LRRC4C: variants seen among roughly 807,000 people sequenced by gnomAD.
LRRC4C encodes leucine rich repeat containing 4C, also known as leucine-rich repeat-containing protein 4C.
A neutral mutation model predicts 33.6 loss-of-function variants in LRRC4C; 5 were observed. The ratio of observed to expected loss-of-function variants is 0.15; its 90% CI spans 0.08 to 0.31. LRRC4C has a LOEUF of 0.31. Ranked by LOEUF, LRRC4C falls within the 10% of genes least tolerant of loss-of-function variation. The pLI, the probability that LRRC4C is intolerant of heterozygous loss-of-function variation, is 1.00. For missense variants in LRRC4C, 560 were observed against 796.7 expected (o/e 0.70, Z 3.58); for synonymous variants, 329 against 302.0 (o/e 1.09, Z -0.93).
intron 2 of LRRC4C, among the ~76,000 whole-genome samples, chr11:40,746,877 C>T (rs960729344): frequency 3.9e-5 from 6 of 152,168 alleles, no homozygotes; most frequent in African/African-American, 4.8e-5. Flanking sequence ...ACCACAGTTA[C>T]GACCAATGTT....
At chr11:40,911,141 G>C (rs1391396369) in intron 2 of LRRC4C, among the ~76,000 whole-genome samples, 7 of 152,316 alleles carry the variant, frequency 4.6e-5, no homozygotes, top group Admixed American at 1.3e-4. Flanking sequence ...CCAAACAAAA[G>C]GCAGCAGAAA....
chr11:41,231,652 T>A (rs1220644424), intron 1 of LRRC4C, among the ~76,000 whole-genome samples: 1 of 150,148 alleles, frequency 6.7e-6, no homozygotes, highest in Non-Finnish European at 1.5e-5. Context: ...CATTAGGAGA[T>A]ATACCTAATG....
chr11:40,814,412 CA>C (rs751955095), intron 2 of LRRC4C, among the ~76,000 whole-genome samples: 1 of 152,094 alleles, frequency 6.6e-6, no homozygotes, highest in African/African-American at 2.4e-5. Context: ...ACACTGCACA[CA>C]GTAGGGGGAC....
At chr11:40,833,547 AG>A in intron 2 of LRRC4C, among the ~76,000 whole-genome samples, 1 of 152,234 alleles carries the variant, frequency 6.6e-6, no homozygotes, top group East Asian at 1.9e-4. Context: ...CAAATTGAAC[AG>A]CCTCATTTCA....
chr11:40,930,095 C>T (rs1957555095), intron 2 of LRRC4C, among the ~76,000 whole-genome samples: 1 of 152,034 alleles, frequency 6.6e-6, no homozygotes, highest in Non-Finnish European at 1.5e-5. Context: ...AATGCAGGAC[C>T]CGGGGCTAAT....
At chr11:40,946,410 C>T (rs1039234855) in intron 1 of LRRC4C, among the ~76,000 whole-genome samples, 1 of 152,102 alleles carries the variant, frequency 6.6e-6, no homozygotes, top group Non-Finnish European at 1.5e-5. Flanking sequence ...GTGTATGTAT[C>T]TTTTTAGTAG....
At chr11:40,166,697 A>T (rs1859625583) in intron 5 of LRRC4C, among the ~76,000 whole-genome samples, 1 of 151,962 alleles carries the variant, frequency 6.6e-6, no homozygotes, top group South Asian at 2.1e-4. Flanking sequence ...CAGCTCTTTA[A>T]AAAAAAATAG....
chr11:41,413,352 G>A (rs1954562646), intron 1 of LRRC4C, among the ~76,000 whole-genome samples: 1 of 152,136 alleles, frequency 6.6e-6, no homozygotes, highest in Admixed American at 6.6e-5. Flanking sequence ...TACCAATTAT[G>A]GGAGTTGGTC....
chr11:41,012,197 A>G (rs1409211238), intron 1 of LRRC4C, among the ~76,000 whole-genome samples: 4 of 151,962 alleles, frequency 2.6e-5, no homozygotes, highest in African/African-American at 7.3e-5. Flanking sequence ...ATCAAACTCT[A>G]TAGCTATACC....
At chr11:40,944,079 A>G (rs1479286797) in intron 1 of LRRC4C, among the ~76,000 whole-genome samples, 1 of 152,210 alleles carries the variant, frequency 6.6e-6, no homozygotes. Context: ...TAGCTACTCC[A>G]GAAATGTTAG....
intron 3 of LRRC4C, among the ~76,000 whole-genome samples, chr11:40,544,709 T>C (rs1429738800): frequency 6.6e-6 from 1 of 152,092 alleles, no homozygotes; most frequent in African/African-American, 2.4e-5. Context: ...ATATATTTGT[T>C]TTCACACTGC....
intron 2 of LRRC4C, among the ~76,000 whole-genome samples, chr11:40,824,449 A>G (rs185946097): frequency 3.2e-4 from 49 of 151,878 alleles, no homozygotes; most frequent in African/African-American, 1.2e-3. Flanking sequence ...AGTTTCATCC[A>G]TATGTAAAAT....
intron 3 of LRRC4C, among the ~76,000 whole-genome samples, chr11:40,522,501 T>C: frequency 6.6e-6 from 1 of 152,218 alleles, no homozygotes; most frequent in East Asian, 1.9e-4. Flanking sequence ...CCTGTGGTAG[T>C]TAATAAGTCT....
chr11:41,324,898 C>T (rs1314911713), intron 1 of LRRC4C, among the ~76,000 whole-genome samples: 2 of 152,086 alleles, frequency 1.3e-5, no homozygotes, highest in Admixed American at 1.3e-4. Context: ...ACACTTGTAT[C>T]ATATATTTAA....
intron 2 of LRRC4C, among the ~76,000 whole-genome samples, chr11:40,818,830 A>G (rs1001970837): frequency 3.9e-5 from 6 of 152,036 alleles, no homozygotes; most frequent in Non-Finnish European, 7.4e-5. Context: ...TTGTTAACCA[A>G]TTCATACCTA....
intron 3 of LRRC4C, among the ~76,000 whole-genome samples, chr11:40,396,731 G>A (rs1949556244): frequency 6.6e-6 from 1 of 151,938 alleles, no homozygotes; most frequent in African/African-American, 2.4e-5. Context: ...TTTAAAAAAG[G>A]TCCAACATAA....
chr11:40,795,416 G>A (rs1950784365), intron 2 of LRRC4C, among the ~76,000 whole-genome samples: 1 of 152,112 alleles, frequency 6.6e-6, no homozygotes, highest in South Asian at 2.1e-4. Context: ...TGTAGTCCCA[G>A]CTACTCGGGA....
intron 2 of LRRC4C, among the ~76,000 whole-genome samples, chr11:40,722,668 A>T (rs1947084292): frequency 6.6e-6 from 1 of 152,236 alleles, no homozygotes; most frequent in African/African-American, 2.4e-5. Flanking sequence ...AGAAGGGCTC[A>T]GTGCAAGAAC....
intron 2 of LRRC4C, among the ~76,000 whole-genome samples, chr11:40,652,666 C>G (rs1359845221): frequency 6.6e-6 from 1 of 152,192 alleles, no homozygotes; most frequent in Admixed American, 6.5e-5. Context: ...GGGCTGGATG[C>G]TCCAACAATT....
Sources: gnomAD v4.1 joint callset for allele counts (sites outside exome capture counted in the v4.1 genomes callset) on GRCh38, gnomAD v4.1.1 for gene constraint, MANE v1.5 for transcripts, NCBI Gene and HGNC (gene_info 2026-07-23, HGNC 2026-07-21) for gene names.